The following ST3GAL3 variants were observed in gnomAD, a reference collection of about 807,000 sequenced individuals.
ST3GAL3 encodes the protein ST3 beta-galactoside alpha-2,3-sialyltransferase 3, also known as CMP-N-acetylneuraminate-beta-1,4-galactoside alpha-2,3-sialyltransferase.
In ST3GAL3, 21 loss-of-function variants were observed where a neutral mutation model predicts 50.1. The ratio of observed to expected loss-of-function variants is 0.42; its 90% CI spans 0.30 to 0.60. The LOEUF (loss-of-function observed/expected upper bound fraction) is 0.60, where lower values mean the gene tolerates loss of function less well. Among genes scored for constraint, ST3GAL3 ranks in the 20% least tolerant of loss-of-function variants. The pLI is 0.19. For synonymous variants in ST3GAL3, 183 were observed against 190.0 expected, an observed-to-expected ratio of 0.96 and a Z score of 0.30; for missense variants, 353 against 489.4, an observed-to-expected ratio of 0.72 and a Z score of 2.63.
intron 5 of ST3GAL3, among the ~76,000 whole-genome samples, chr1:43,863,389 G>A (rs895203042): frequency 6.6e-6 from 1 of 152,136 alleles, no homozygotes; most frequent in African/African-American, 2.4e-5. Flanking sequence ...GACAGCCCCG[G>A]AGCCTCAGAA....
intron 4 of ST3GAL3, among the ~76,000 whole-genome samples, chr1:43,828,030 T>A (rs934717605): frequency 1.3e-5 from 2 of 152,190 alleles, no homozygotes; most frequent in South Asian, 4.1e-4. Flanking sequence ...ACAATCAAGA[T>A]AGCGTAGTAT....
At chr1:43,881,361 G>A (rs994239510) in intron 5 of ST3GAL3, among the ~76,000 whole-genome samples, 1 of 152,186 alleles carries the variant, frequency 6.6e-6, no homozygotes, top group Non-Finnish European at 1.5e-5. Context: ...AGATAAGCTG[G>A]GGCTTAGCAC....
At position 43,746,232 on chromosome 1, in the gene ST3GAL3, A is replaced by T. The variant is rs1683582170; in HGVS notation, c.118+9852A>T. ...GTTAAATGCGTAAGCCAGTAACAAA[A>T]GGACAAATACTGTAAGATTCCTCTT... is the stretch of plus-strand genomic sequence containing the variant. On this transcript the variant is annotated intron_variant, in intron 2 of 11. Transcript: ENST00000347631. 3.9e-5 allele frequency among the ~76,000 whole-genome samples: 6 copies of T among 152,360 alleles called. No individual in the cohort carries two copies. The South Asian group carries it at 1.2e-3, about 32-fold the overall frequency.
intron 1 of ST3GAL3, among the ~76,000 whole-genome samples, chr1:43,723,111 T>C (rs1480803907): frequency 1.3e-5 from 2 of 148,750 alleles, no homozygotes; most frequent in Admixed American, 6.7e-5. Context: ...CTCTCTTCCC[T>C]CCTTTTTTTT....
chr1:43,833,706 G>A (rs2063852837), intron 4 of ST3GAL3, among the ~76,000 whole-genome samples: 1 of 152,178 alleles, frequency 6.6e-6, no homozygotes, highest in Non-Finnish European at 1.5e-5. Context: ...GGAAATGAGA[G>A]GCAGAAAGGG....
At chr1:43,821,922 T>C (rs1312995720) in intron 4 of ST3GAL3, among the ~76,000 whole-genome samples, 1 of 152,252 alleles carries the variant, frequency 6.6e-6, no homozygotes, top group East Asian at 1.9e-4. Context: ...TATTCTGTGG[T>C]CTGAGGATAT....
rs532994026 is a variant in ST3GAL3, at chr1:43,807,190, G to C, written c.167-7701G>C. Reference sequence around the variant, plus strand: ...TCAGCACTTTGGGAGGTTGAGGCAGGCGGATTACCTGAGGTCACGAGTTCA... The same window carrying C: ...TCAGCACTTTGGGAGGTTGAGGCAGCCGGATTACCTGAGGTCACGAGTTCA... On this transcript the variant is annotated intron_variant, in intron 3 of 11. Coordinates refer to ENST00000347631, the MANE Select transcript of ST3GAL3 (RefSeq NM_006279.5). Among the ~76,000 whole-genome samples, 5 of 152,228 alleles carry C rather than the reference G, an allele frequency of 3.3e-5. No individual in the cohort carries two copies. The East Asian group carries it at 9.7e-4, about 29-fold the overall frequency.
chr1:43,837,887 T>G (rs902930630), intron 4 of ST3GAL3, among the ~76,000 whole-genome samples: 7 of 152,096 alleles, frequency 4.6e-5, no homozygotes, highest in Admixed American at 2.6e-4. Context: ...TATCTATTCC[T>G]TTAGGGTTGG....
intron 5 of ST3GAL3, chr1:43,850,292 G>A (rs2067042652): frequency 5.5e-6 from 3 of 544,172 alleles, no homozygotes; most frequent in South Asian, 4.6e-5. Context: ...GGGTGGGCCG[G>A]CTCCTTTAGA....
In ST3GAL3 at chr1:43,787,036, T is replaced by C. The variant is rs183344295; in HGVS notation, c.119-5066T>C. ...GCAGAAAGACTGAGCCCTATTCTTC[T>C]TCATACTCCCTTTAGATTCCTTTTA... On this transcript the variant is annotated intron_variant, in intron 2 of 11. Coordinates refer to ENST00000347631, the MANE Select transcript of ST3GAL3 (RefSeq NM_006279.5). 2.0e-5 allele frequency among the ~76,000 whole-genome samples: 3 copies of C among 152,354 alleles called. No homozygotes were observed. In the East Asian group the frequency reaches 5.8e-4, roughly 29 times the overall value.
chr1:43,921,707 C>A (rs2083061711), intron 11 of ST3GAL3: 1 of 398,632 alleles, frequency 2.5e-6, no homozygotes, highest in African/African-American at 2.1e-5. Context: ...CCTTCTCCAT[C>A]ATCCCCCTCC....
chr1:43,764,453 G>A (rs1257027039), intron 2 of ST3GAL3, among the ~76,000 whole-genome samples: 2 of 152,086 alleles, frequency 1.3e-5, no homozygotes, highest in Admixed American at 6.5e-5. Flanking sequence ...GTCTCAGGCC[G>A]AGATCCAGGG....
chr1:43,765,711 A>G (rs1485021262), intron 2 of ST3GAL3, among the ~76,000 whole-genome samples: 1 of 151,650 alleles, frequency 6.6e-6, no homozygotes, highest in African/African-American at 2.4e-5. Flanking sequence ...AAGGCAAAAA[A>G]GGGTAAAACA....
intron 1 of ST3GAL3, among the ~76,000 whole-genome samples, chr1:43,725,954 A>G (rs2154078067): frequency 6.6e-6 from 1 of 152,036 alleles, no homozygotes; most frequent in East Asian, 1.9e-4. Flanking sequence ...CTCACGTTTT[A>G]TTTTTCTCAT....
At chr1:43,725,948 C>A (rs769648623) in intron 1 of ST3GAL3, among the ~76,000 whole-genome samples, 2 of 152,092 alleles carry the variant, frequency 1.3e-5, no homozygotes, top group African/African-American at 4.8e-5. Context: ...CCCAGCCTCA[C>A]GTTTTATTTT....
At chr1:43,727,451 T>C (rs386503237) in intron 1 of ST3GAL3, 1 of 152,288 alleles carries the variant, frequency 6.6e-6, no homozygotes, top group Non-Finnish European at 1.5e-5. Context: ...AGAAGTGCAC[T>C]AAGGAAAGAA....
chr1:43,716,783 G>A (rs1040754194), intron 1 of ST3GAL3, among the ~76,000 whole-genome samples: 2 of 152,098 alleles, frequency 1.3e-5, no homozygotes, highest in Non-Finnish European at 1.5e-5. Flanking sequence ...ACCAAGAGAG[G>A]TTTATAAATA....
chr1:43,921,116 C>T (rs1350042874), intron 11 of ST3GAL3, among the ~76,000 whole-genome samples, 188 bp downstream of exon 11: 1 of 152,126 alleles, frequency 6.6e-6, no homozygotes, highest in Non-Finnish European at 1.5e-5. Flanking sequence ...CTGAACTTTC[C>T]TTCCAAGGGA....
chr1:43,722,849 A>G (rs1442201524), intron 1 of ST3GAL3, among the ~76,000 whole-genome samples: 1 of 152,252 alleles, frequency 6.6e-6, no homozygotes, highest in African/African-American at 2.4e-5. Context: ...AAGAAGTTAC[A>G]TACTTGGACT....
Sources: gnomAD v4.1 joint callset for allele counts (sites outside exome capture counted in the v4.1 genomes callset) on GRCh38, gnomAD v4.1.1 for gene constraint, MANE v1.5 for transcripts, NCBI Gene and HGNC (gene_info 2026-07-23, HGNC 2026-07-21) for gene names.